FAM76A: variants seen among roughly 807,000 people sequenced by gnomAD.
FAM76A encodes protein FAM76A.
In FAM76A, 32 loss-of-function variants were observed where a neutral mutation model predicts 46.2. The ratio of observed to expected loss-of-function variants is 0.69; its 90% confidence interval spans 0.52 to 0.93. FAM76A has a LOEUF of 0.93. Among genes scored for constraint, FAM76A ranks in the 40% least tolerant of loss-of-function variants. The pLI is 0.00. For synonymous variants in FAM76A, 137 were observed against 127.0 expected (o/e 1.08, Z -0.53); for missense variants, 274 against 361.5 (o/e 0.76, Z 1.96).
intron 2 of FAM76A, 129 bp from the exon 3 acceptor site, chr1:27,732,474 C>G: frequency 1.7e-6 from 1 of 586,856 alleles, no homozygotes; most frequent in South Asian, 2.7e-5. Flanking sequence ...GGTACTCAAG[C>G]TAGTGTTAAC....
At chr1:27,729,920 C>A (rs1571464883) in intron 2 of FAM76A, among the ~76,000 whole-genome samples, 1 of 152,128 alleles carries the variant, frequency 6.6e-6, no homozygotes, top group East Asian at 1.9e-4. Context: ...CTAGACAATC[C>A]CCACACCCTT....
intron 2 of FAM76A, among the ~76,000 whole-genome samples, chr1:27,728,259 A>G (rs950156799): frequency 2.0e-5 from 3 of 152,234 alleles, no homozygotes; most frequent in Admixed American, 6.5e-5. Context: ...TTATAAGCCC[A>G]AAGAAGATAC....
At chr1:27,753,768 C>CT (rs949554217) in intron 6 of FAM76A, among the ~76,000 whole-genome samples, 2 of 152,094 alleles carry the variant, frequency 1.3e-5, no homozygotes, top group African/African-American at 4.8e-5. Flanking sequence ...GAAATGTTGG[C>CT]TATTAGATGT....
At chr1:27,740,335 G>T (rs2088130377) in intron 4 of FAM76A, 1 of 951,902 alleles carries the variant, frequency 1.1e-6, no homozygotes, top group Non-Finnish European at 1.7e-6. Flanking sequence ...TTGGCACCAT[G>T]GACTAATCAA....
chr1:27,744,228 A>C (rs1432681961), intron 4 of FAM76A, among the ~76,000 whole-genome samples: 1 of 152,112 alleles, frequency 6.6e-6, no homozygotes, highest in Non-Finnish European at 1.5e-5. Context: ...TCCTGGGTTC[A>C]AGCGATTCTT....
intron 6 of FAM76A, among the ~76,000 whole-genome samples, chr1:27,752,712 G>A (rs952254080): frequency 2.0e-5 from 3 of 152,170 alleles, no homozygotes; most frequent in African/African-American, 7.2e-5. Flanking sequence ...CAAGAAAATT[G>A]TTCTTACAGT....
chr1:27,741,547 C>G (rs1419490303), intron 4 of FAM76A, among the ~76,000 whole-genome samples: 2 of 151,656 alleles, frequency 1.3e-5, no homozygotes, highest in Non-Finnish European at 2.9e-5. Context: ...ATTAGCTACA[C>G]TATAAAAAAA....
At chr1:27,742,677 G>T (rs1282467430) in intron 4 of FAM76A, among the ~76,000 whole-genome samples, 2 of 152,162 alleles carry the variant, frequency 1.3e-5, no homozygotes, top group African/African-American at 4.8e-5. Flanking sequence ...ACAACATGGT[G>T]ATTATAGTTA....
intron 7 of FAM76A, among the ~76,000 whole-genome samples, chr1:27,755,561 AAG>A (rs1363280433): frequency 6.6e-6 from 1 of 152,092 alleles, no homozygotes; most frequent in African/African-American, 2.4e-5. Flanking sequence ...CCACTTCTCA[AAG>A]AGGACATTTT....
chr1:27,760,120 C>A, intron 8 of FAM76A: 1 of 372,912 alleles, frequency 2.7e-6, no homozygotes, highest in Non-Finnish European at 5.3e-6. Flanking sequence ...CTGATCTTTT[C>A]CCCTCAAAAA....
chr1:27,740,709 T>C, intron 4 of FAM76A: 1 of 463,500 alleles, frequency 2.2e-6, no homozygotes, highest in South Asian at 2.7e-5. Context: ...CAAATCATAT[T>C]GCAGCTGAGG....
At chr1:27,740,151 C>T in intron 4 of FAM76A, 4 of 508,902 alleles carry the variant, frequency 7.9e-6, no homozygotes, top group South Asian at 7.2e-5. Context: ...CTTTGACATA[C>T]ATGTGATGGT....
chr1:27,741,193 ATT>A (rs767134759), intron 4 of FAM76A, among the ~76,000 whole-genome samples: 11 of 116,490 alleles, frequency 9.4e-5, no homozygotes, highest in Non-Finnish European at 1.2e-4. Flanking sequence ...GGGAGATTTG[ATT>A]TTTTTTTTTT....
chr1:27,757,139 TC>T (rs567066231), intron 7 of FAM76A, among the ~76,000 whole-genome samples: 4 of 151,784 alleles, frequency 2.6e-5, no homozygotes, highest in Non-Finnish European at 5.9e-5. Flanking sequence ...GATGCTAACT[TC>T]GTGCCTAGCT....
intron 2 of FAM76A, among the ~76,000 whole-genome samples, chr1:27,731,737 G>A (rs2087961282): frequency 6.6e-6 from 1 of 152,014 alleles, no homozygotes; most frequent in Admixed American, 6.6e-5. Context: ...AATATTTTGA[G>A]GGTGTTTTCT....
At chr1:27,755,142 A>G in intron 6 of FAM76A, 53 bp from the exon 7 acceptor site, 1 of 1,603,996 alleles carries the variant, frequency 6.2e-7, no homozygotes, top group Admixed American at 1.7e-5. Context: ...CCTCAGGTAG[A>G]GAAAAGTTTA....
chr1:27,758,187 A>G (rs2088446383), intron 7 of FAM76A, among the ~76,000 whole-genome samples: 1 of 152,176 alleles, frequency 6.6e-6, no homozygotes, highest in Non-Finnish European at 1.5e-5. Context: ...ACCTCATTTT[A>G]CAGATGAGGA....
At chr1:27,750,539 AAAG>A (rs1371035193) in intron 6 of FAM76A, among the ~76,000 whole-genome samples, 2 of 152,244 alleles carry the variant, frequency 1.3e-5, no homozygotes, top group African/African-American at 2.4e-5. Flanking sequence ...CCTGCTTTAT[AAAG>A]GCCTAAGCCA....
chr1:27,752,586 G>T (rs1030629520), intron 6 of FAM76A, among the ~76,000 whole-genome samples: 5 of 151,938 alleles, frequency 3.3e-5, no homozygotes, highest in African/African-American at 1.2e-4. Context: ...TTTTTAACTC[G>T]TAGTTTCATT....
Sources: gnomAD v4.1 joint callset for allele counts (sites outside exome capture counted in the v4.1 genomes callset) on GRCh38, gnomAD v4.1.1 for gene constraint, MANE v1.5 for transcripts, NCBI Gene and HGNC (gene_info 2026-07-23, HGNC 2026-07-21) for gene names.